The following DMD variants were observed in gnomAD, a reference collection of about 807,000 sequenced individuals.
DMD encodes the protein dystrophin.
In DMD, 63 loss-of-function variants were observed where a neutral mutation model predicts 330.1. The ratio of observed to expected loss-of-function variants is 0.19; its 90% CI spans 0.16 to 0.24. The LOEUF (loss-of-function observed/expected upper bound fraction) is 0.24. DMD is among the 10% of genes least tolerant of loss of function. DMD has a pLI of 1.00. For missense variants in DMD, 3,344 were observed against 2,684.1 expected, an observed-to-expected ratio of 1.25 and a Z score of -5.43; for synonymous variants, 1,223 against 959.8, an observed-to-expected ratio of 1.27 and a Z score of -5.07.
chrX:31,991,872 C>T (rs1487564690), intron 44 of DMD, among the ~76,000 whole-genome samples: 4 of 111,077 alleles, frequency 3.6e-5, no homozygotes, highest in African/African-American at 1.3e-4. Context: ...AAAGTTTATT[C>T]TACAGCTATT....
chrX:31,251,177 T>TC (rs753594959), intron 63 of DMD, among the ~76,000 whole-genome samples: 2 of 108,937 alleles, frequency 1.8e-5, no homozygotes, highest in East Asian at 5.7e-4. Flanking sequence ...TTTTTTTTTT[T>TC]CTAAGACAAC....
intron 16 of DMD, among the ~76,000 whole-genome samples, chrX:32,556,799 T>G (rs754468433): frequency 1.8e-5 from 2 of 112,077 alleles, no homozygotes; most frequent in Non-Finnish European, 3.8e-5. Flanking sequence ...CTTTGTAACT[T>G]TTTTGTTATG....
intron 60 of DMD, among the ~76,000 whole-genome samples, chrX:31,395,423 G>A (rs985001332): frequency 8.9e-6 from 1 of 112,153 alleles, no homozygotes; most frequent in Non-Finnish European, 1.9e-5. Flanking sequence ...GAATTAGCCA[G>A]AGTTAGCTGC....
At chrX:31,578,003 A>G (rs1336777313) in intron 55 of DMD, among the ~76,000 whole-genome samples, 1 of 111,804 alleles carries the variant, frequency 8.9e-6, no homozygotes, top group Non-Finnish European at 1.9e-5. Context: ...ATATATTAAT[A>G]TTATAGCTTT....
At chrX:33,326,476 G>A (rs755529186) in intron 1 of DMD, among the ~76,000 whole-genome samples, 1 of 111,793 alleles carries the variant, frequency 8.9e-6, no homozygotes, top group East Asian at 2.8e-4. Context: ...ATGTGAATAA[G>A]AATTGTTTAT....
chrX:32,792,666 G>A (rs1414804801), intron 7 of DMD, among the ~76,000 whole-genome samples: 2 of 112,305 alleles, frequency 1.8e-5, no homozygotes, highest in African/African-American at 6.5e-5. Flanking sequence ...AGAAGCAGCA[G>A]CTATGCTTAC....
chrX:31,495,818 C>A (rs1214004775), intron 57 of DMD, among the ~76,000 whole-genome samples: 1 of 111,330 alleles, frequency 9.0e-6, no homozygotes, highest in African/African-American at 3.3e-5. Flanking sequence ...GAAAACAAGG[C>A]ATTATATACC....
rs774968801 is a variant in DMD, at chrX:32,651,668, T to C, written c.961-6516A>G. On this transcript the variant is annotated intron_variant, in intron 9 of 78. Transcript: ENST00000357033. Reference sequence around the variant, plus strand: ...CAGCAATGGGACACAGCCCAGATGGTAGTACAGACCCGGTAAATCCTCCAT... The same window carrying C: ...CAGCAATGGGACACAGCCCAGATGGCAGTACAGACCCGGTAAATCCTCCAT... Among the ~76,000 whole-genome samples, 3 of 111,383 alleles carry C rather than the reference T, an allele frequency of 2.7e-5. No individual in the cohort carries two copies. In the South Asian group the frequency reaches 1.1e-3, roughly 42 times the overall value.
intron 50 of DMD, among the ~76,000 whole-genome samples, chrX:31,797,629 A>G (rs2067466073): frequency 8.9e-6 from 1 of 112,368 alleles, no homozygotes; most frequent in Admixed American, 9.4e-5. Context: ...GAACTCAAGA[A>G]GCAAACTATA....
chrX:31,215,821 C>T (rs1487796440), intron 64 of DMD, among the ~76,000 whole-genome samples: 2 of 112,421 alleles, frequency 1.8e-5, no homozygotes, highest in Non-Finnish European at 3.8e-5. Flanking sequence ...CAGCTTGAAT[C>T]AGTGACAGAT....
At chrX:32,991,438 G>A (rs952023386) in intron 2 of DMD, among the ~76,000 whole-genome samples, 1 of 111,897 alleles carries the variant, frequency 8.9e-6, no homozygotes, top group Non-Finnish European at 1.9e-5. Context: ...AACAAAAAAT[G>A]TTCTATACAT....
At chrX:32,199,483 C>T (rs144569256) in intron 44 of DMD, among the ~76,000 whole-genome samples, 78 of 110,790 alleles carry the variant, frequency 7.0e-4, no homozygotes, top group African/African-American at 2.4e-3. Flanking sequence ...CACGGTTGCA[C>T]GCCACTAAAT....
rs1199508821 is a variant in DMD at position 31,410,406 on chromosome X, G to C, written c.9084+34075C>G. Among the ~76,000 whole-genome samples, 4 of 111,982 alleles carry C rather than the reference G, an allele frequency of 3.6e-5. No homozygotes were observed. The East Asian group carries it at 1.1e-3, about 32-fold the overall frequency. On this transcript the variant is annotated intron_variant, in intron 60 of 78. Coordinates refer to ENST00000357033, the MANE Select transcript of DMD (RefSeq NM_004006.3). ...TAAGGAGTTGTTCATTATGTAATGG[G>C]AACTTTGTGCTTAGAACAGCTCCAC...
At chrX:32,864,817 A>G (rs545016050) in intron 2 of DMD, among the ~76,000 whole-genome samples, 2 of 112,342 alleles carry the variant, frequency 1.8e-5, no homozygotes, top group African/African-American at 6.5e-5. Flanking sequence ...ATATCATTCA[A>G]CAAAAACTTA....
At chrX:32,756,410 T>C (rs1396449501) in intron 7 of DMD, 1 of 111,402 alleles carries the variant, frequency 9.0e-6, no homozygotes, top group African/African-American at 3.3e-5. Context: ...AAATGTGTAG[T>C]CGAATATGGT....
intron 62 of DMD, among the ~76,000 whole-genome samples, chrX:31,302,074 C>G (rs189149021): frequency 4.4e-3 from 494 of 112,182 alleles, no homozygotes; most frequent in African/African-American, 0.015. Flanking sequence ...ACAGCAGCAA[C>G]AAAACTCAAC....
intron 55 of DMD, among the ~76,000 whole-genome samples, chrX:31,593,221 G>A (rs1348998174): frequency 9.0e-6 from 1 of 111,134 alleles, no homozygotes; most frequent in Non-Finnish European, 1.9e-5. Flanking sequence ...GAAAATGGTG[G>A]CACACAGTTT....
intron 1 of DMD, among the ~76,000 whole-genome samples, chrX:33,332,385 T>C (rs1358329360): frequency 5.4e-5 from 6 of 111,811 alleles, no homozygotes; most frequent in Admixed American, 9.6e-5. Flanking sequence ...GCAATAACTT[T>C]ATTATTTTTT....
At chrX:32,452,560 G>T (rs1409603566) in intron 26 of DMD, among the ~76,000 whole-genome samples, 4 of 108,563 alleles carry the variant, frequency 3.7e-5, no homozygotes, top group Non-Finnish European at 7.7e-5. Flanking sequence ...CTTCAATCCT[G>T]TGGGCTCTAC....
Sources: gnomAD v4.1 joint callset for allele counts (sites outside exome capture counted in the v4.1 genomes callset) on GRCh38, gnomAD v4.1.1 for gene constraint, MANE v1.5 for transcripts, NCBI Gene and HGNC (gene_info 2026-07-23, HGNC 2026-07-21) for gene names.